The following KAT6B variants were observed in gnomAD, a reference collection of about 807,000 sequenced individuals.
KAT6B encodes lysine acetyltransferase 6B, also known as histone acetyltransferase KAT6B.
A neutral mutation model predicts 187.5 loss-of-function variants in KAT6B; 10 were observed. The ratio of observed to expected loss-of-function variants is 0.05; its 90% CI spans 0.03 to 0.09. KAT6B has a LOEUF of 0.09. Among genes scored for constraint, KAT6B ranks in the 10% least tolerant of loss-of-function variants. The probability of loss-of-function intolerance (pLI) is 1.00; values close to 1 mark genes in which losing one functional copy is unlikely to be tolerated. For synonymous variants in KAT6B, 861 were observed against 926.8 expected (o/e 0.93, Z 1.29); for missense variants, 1,952 against 2,558.9 (o/e 0.76, Z 5.12).
rs549350626 is a variant in KAT6B at position 74,895,924 on chromosome 10, T to C, written c.621+52446T>C. On this transcript the variant is annotated intron_variant, in intron 3 of 17. Coordinates refer to ENST00000287239, the MANE Select transcript of KAT6B (RefSeq NM_012330.4). ...TAAAAATATTCTAGCTCTGTACCATTCCACACACTGCTTTTTTGTTGTTGT... is the reference window on the plus strand; with the variant it reads ...TAAAAATATTCTAGCTCTGTACCATCCCACACACTGCTTTTTTGTTGTTGT... Among the ~76,000 whole-genome samples the C allele has an allele frequency of 5.3e-5, 8 of 152,318 alleles. No individual in the cohort carries two copies. The South Asian group carries it at 1.7e-3, about 32-fold the overall frequency.
intron 3 of KAT6B, 41 bp downstream of exon 3, chr10:74,843,519 C>CTTT: frequency 6.2e-7 from 1 of 1,609,446 alleles, no homozygotes; most frequent in Non-Finnish European, 8.5e-7. Flanking sequence ...CACTACTGTC[C>CTTT]TTTTGTCTTT....
At chr10:75,019,713 C>T (rs964293026) in intron 13 of KAT6B, among the ~76,000 whole-genome samples, 14 of 151,622 alleles carry the variant, frequency 9.2e-5, no homozygotes, top group Admixed American at 3.3e-4. Flanking sequence ...ATTACTGAGA[C>T]AGCCGCCAGC....
In KAT6B at chr10:75,031,045, AG is replaced by A; in HGVS notation, c.6222del (p.Ter2074=). 1 of 1,614,160 alleles carries A rather than the reference AG, an allele frequency of 6.2e-7. No homozygotes were observed. The highest frequency in any genetic ancestry group is 1.6e-4 in the Middle Eastern group (1 of 6,062). On this transcript the variant is annotated frameshift_variant and stop_lost, in exon 18 of 18. Transcript: ENST00000287239. LOFTEE classifies it high-confidence loss of function. The part of the protein sequence containing the change: ...QSLNGSYMRR[*>X] ...CTCAATGGCTCCTACATGAGAAGGT[AG>A]ACAACGTGGGCAGTCCACAAAACCT...
Position 74,842,854 on chromosome 10 carries a change from A to G in KAT6B, c.-4A>G. 1 of 1,614,028 alleles carries G rather than the reference A, an allele frequency of 6.2e-7. No individual in the cohort carries two copies. Among genetic ancestry groups the G allele is most frequent in the Non-Finnish European group, 8.5e-7 (1 of 1,180,028 alleles). On this transcript the variant is annotated 5_prime_UTR_variant, in exon 3 of 18. Coordinates refer to ENST00000287239, the MANE Select transcript of KAT6B (RefSeq NM_012330.4). ...TTTTGTGTTGAAGAAGTCATTTGTC[A>G]ACCATGGTAAAACTTGCAAACCCAC... is the stretch of plus-strand genomic sequence containing the variant.
At chr10:74,874,190 C>T (rs1430734075) in intron 3 of KAT6B, among the ~76,000 whole-genome samples, 6 of 152,168 alleles carry the variant, frequency 3.9e-5, no homozygotes, top group Non-Finnish European at 7.4e-5. Context: ...TGGAAAGGCA[C>T]ATACAGGATC....
chr10:74,982,215 CTT>C (rs1842555203), intron 11 of KAT6B: 1 of 372,510 alleles, frequency 2.7e-6, no homozygotes, highest in African/African-American at 2.1e-5. Flanking sequence ...CTCCTCAGCT[CTT>C]TGTAAATTCT....
At chr10:74,837,560 GA>G (rs554920568) in intron 1 of KAT6B, among the ~76,000 whole-genome samples, 25 of 148,516 alleles carry the variant, frequency 1.7e-4, no homozygotes, top group South Asian at 2.1e-4. Flanking sequence ...TCCAAATCAG[GA>G]AAAAAAAAAT....
At chr10:74,923,944 T>G (rs1848317065) in intron 3 of KAT6B, among the ~76,000 whole-genome samples, 1 of 152,088 alleles carries the variant, frequency 6.6e-6, no homozygotes, top group African/African-American at 2.4e-5. Flanking sequence ...GATATGATGG[T>G]TTAGGCCAGT....
intron 3 of KAT6B, among the ~76,000 whole-genome samples, chr10:74,919,240 A>T (rs79312628): frequency 0.014 from 2,185 of 151,958 alleles, 52 homozygotes; most frequent in African/African-American, 0.049. Flanking sequence ...CTATATATAT[A>T]TATTTTTTTC....
chr10:74,826,018 C>G (rs1397704269), upstream of KAT6B, among the ~76,000 whole-genome samples: 5 of 151,862 alleles, frequency 3.3e-5, no homozygotes, highest in Admixed American at 6.6e-5. Context: ...GACTGAGAAC[C>G]TCGAATTTTA....
At chr10:74,855,826 ATT>A (rs1181813222) in intron 3 of KAT6B, among the ~76,000 whole-genome samples, 2 of 152,096 alleles carry the variant, frequency 1.3e-5, no homozygotes, top group African/African-American at 2.4e-5. Context: ...ATTTTGCCAC[ATT>A]CTTTCTCTTC....
At chr10:74,870,283 ACT>A (rs1843821848) in intron 3 of KAT6B, among the ~76,000 whole-genome samples, 1 of 151,864 alleles carries the variant, frequency 6.6e-6, no homozygotes, top group Admixed American at 6.6e-5. Context: ...ACAGAACAAG[ACT>A]CTGTCTCAAA....
At chr10:74,898,694 G>C (rs1290580305) in intron 3 of KAT6B, among the ~76,000 whole-genome samples, 1 of 152,126 alleles carries the variant, frequency 6.6e-6, no homozygotes, top group African/African-American at 2.4e-5. Context: ...TCCTGGCTCT[G>C]TGTCCCATGG....
intron 3 of KAT6B, among the ~76,000 whole-genome samples, chr10:74,876,835 C>T (rs974046377): frequency 1.2e-4 from 18 of 151,862 alleles, no homozygotes; most frequent in Non-Finnish European, 4.4e-5. Flanking sequence ...ATCGCTTGAA[C>T]CTGGGAGACT....
chr10:74,884,332 C>CT (rs1369131186), intron 3 of KAT6B, among the ~76,000 whole-genome samples: 1 of 152,208 alleles, frequency 6.6e-6, no homozygotes, highest in Non-Finnish European at 1.5e-5. Flanking sequence ...TCATGCAACT[C>CT]TAAGAATGCA....
chr10:74,892,897 T>C (rs192746794), intron 3 of KAT6B, among the ~76,000 whole-genome samples: 37 of 152,282 alleles, frequency 2.4e-4, no homozygotes, highest in Admixed American at 1.8e-3. Context: ...AAGCCCCCCA[T>C]GTGGCTGGAG....
chr10:74,943,599 G>GA (rs1206025469), intron 3 of KAT6B, among the ~76,000 whole-genome samples: 7 of 151,648 alleles, frequency 4.6e-5, no homozygotes, highest in Non-Finnish European at 8.8e-5. Flanking sequence ...ATACATATGG[G>GA]AAAAAAAATG....
At chr10:74,988,097 T>C (rs898910243) in intron 12 of KAT6B, among the ~76,000 whole-genome samples, 4 of 152,232 alleles carry the variant, frequency 2.6e-5, no homozygotes, top group Admixed American at 1.3e-4. Flanking sequence ...TCTTTCAAAT[T>C]GGTTCATTAA....
intron 13 of KAT6B, among the ~76,000 whole-genome samples, chr10:75,005,055 G>A (rs1057484168): frequency 2.0e-5 from 3 of 152,062 alleles, no homozygotes; most frequent in African/African-American, 7.2e-5. Context: ...TGCTCTGCTT[G>A]GTTGAAATTA....
Sources: allele counts gnomAD v4.1 joint callset (sites outside exome capture counted in the v4.1 genomes callset), GRCh38; gene constraint gnomAD v4.1.1; transcripts MANE v1.5; gene names NCBI Gene and HGNC (gene_info 2026-07-23, HGNC 2026-07-21).